The following EYS variants were observed in gnomAD, a reference collection of about 807,000 sequenced individuals.
EYS encodes the protein EGF-like photoreceptor maintenance factor, also known as protein eyes shut homolog.
Under a neutral mutation model 282.1 loss-of-function variants are expected in EYS, and 250 were observed. The ratio of observed to expected loss-of-function variants is 0.89; its 90% CI spans 0.80 to 0.98. EYS has a LOEUF of 0.98. Among genes scored for constraint, EYS ranks in the 50% least tolerant of loss-of-function variants. The pLI, the probability that EYS is intolerant of heterozygous loss-of-function variation, is 0.00. For synonymous variants in EYS, 1,355 were observed against 1,282.9 expected (o/e 1.06, Z -1.20); for missense variants, 4,016 against 3,709.0 (o/e 1.08, Z -2.15).
At chr6:65,023,611 G>C (rs1417283783) in intron 13 of EYS, among the ~76,000 whole-genome samples, 5 of 152,162 alleles carry the variant, frequency 3.3e-5, no homozygotes, top group African/African-American at 1.2e-4. Context: ...AAAAGGACTA[G>C]AATTTTTTAA....
chr6:64,245,433 G>A (rs1435755947), intron 30 of EYS, among the ~76,000 whole-genome samples: 4 of 149,170 alleles, frequency 2.7e-5, no homozygotes, highest in Non-Finnish European at 4.4e-5. Flanking sequence ...TCTTACCTAA[G>A]CCTCCCAAAG....
intron 9 of EYS, among the ~76,000 whole-genome samples, chr6:65,351,885 T>G (rs955804403): frequency 6.6e-6 from 1 of 151,796 alleles, no homozygotes; most frequent in Non-Finnish European, 1.5e-5. Flanking sequence ...GATTCTAATA[T>G]GTGGTCAGGG....
At chr6:65,453,105 A>AT (rs1439915514) in intron 5 of EYS, among the ~76,000 whole-genome samples, 2 of 151,986 alleles carry the variant, frequency 1.3e-5, no homozygotes, top group Non-Finnish European at 2.9e-5. Flanking sequence ...AAAAGAACAA[A>AT]TTTTCACAGA....
At chr6:64,007,794 AT>A (rs781107565) in intron 33 of EYS, among the ~76,000 whole-genome samples, 10 of 151,928 alleles carry the variant, frequency 6.6e-5, no homozygotes, top group Admixed American at 2.0e-4. Context: ...TGATTGTATG[AT>A]TTTCATCATT....
intron 13 of EYS, among the ~76,000 whole-genome samples, chr6:65,006,788 A>G (rs996608156): frequency 1.3e-5 from 2 of 152,222 alleles, no homozygotes; most frequent in Non-Finnish European, 2.9e-5. Context: ...TTGTGGAAGC[A>G]GAGTTAGAAA....
intron 29 of EYS, among the ~76,000 whole-genome samples, chr6:64,374,417 G>A (rs368697881): frequency 7.6e-4 from 116 of 152,098 alleles, no homozygotes; most frequent in South Asian, 2.5e-3. Context: ...TGGTGGGTGT[G>A]GGGTGGGTGC....
chr6:64,633,804 AGC>A lies in EYS; in HGVS notation c.3444-7561_3444-7560del, dbSNP rs540928079. Among the ~76,000 whole-genome samples, 24 of 152,246 alleles carry A rather than the reference AGC, an allele frequency of 1.6e-4. No individual in the cohort carries two copies. In the East Asian group the frequency reaches 4.6e-3, roughly 29 times the overall value. ...GAAAAGAACTGGAGCCTTGACCAAT[AGC>A]CACATAAGTAAATATAGAAGGGGAT... On this transcript the variant is annotated intron_variant, in intron 22 of 42. Transcript: ENST00000503581.
chr6:65,583,728 T>C (rs1050929819), intron 2 of EYS, among the ~76,000 whole-genome samples: 16 of 152,202 alleles, frequency 1.1e-4, no homozygotes, highest in African/African-American at 3.8e-4. Context: ...TTGATGCAAT[T>C]GGACCTTCCT....
intron 1 of EYS, among the ~76,000 whole-genome samples, chr6:65,696,796 A>G (rs1769472705): frequency 6.6e-6 from 1 of 152,038 alleles, no homozygotes; most frequent in Non-Finnish European, 1.5e-5. Context: ...AATGTATTTT[A>G]TGCACTGCTT....
At chr6:65,401,612 G>C (rs183839569) in intron 7 of EYS, among the ~76,000 whole-genome samples, 1 of 151,810 alleles carries the variant, frequency 6.6e-6, no homozygotes, top group African/African-American at 2.4e-5. Flanking sequence ...TTTATTGTCA[G>C]TTCTTTTGAA....
intron 30 of EYS, among the ~76,000 whole-genome samples, chr6:64,298,139 A>C (rs985363361): frequency 6.6e-6 from 1 of 152,218 alleles, no homozygotes. Context: ...ATGTTGAATG[A>C]AGAAATAAGA....
intron 2 of EYS, among the ~76,000 whole-genome samples, chr6:65,520,833 A>T (rs2127298502): frequency 6.6e-6 from 1 of 152,102 alleles, no homozygotes; most frequent in East Asian, 1.9e-4. Flanking sequence ...TAAATCATGG[A>T]TTTTACAGAG....
At chr6:64,939,359 T>A (rs1157482893) in intron 15 of EYS, among the ~76,000 whole-genome samples, 1 of 151,844 alleles carries the variant, frequency 6.6e-6, no homozygotes, top group African/African-American at 2.4e-5. Context: ...TTTGTCTTAA[T>A]TTAGGTAACA....
chr6:65,181,885 A>G (rs1351206278), intron 12 of EYS, among the ~76,000 whole-genome samples: 1 of 152,166 alleles, frequency 6.6e-6, no homozygotes, highest in Admixed American at 6.6e-5. Flanking sequence ...GCCATAAAAA[A>G]TGATGAGTTC....
intron 1 of EYS, among the ~76,000 whole-genome samples, chr6:65,691,426 G>T (rs1417726437): frequency 6.7e-6 from 1 of 150,232 alleles, no homozygotes; most frequent in Non-Finnish European, 1.5e-5. Context: ...TTTTGATAGG[G>T]TTGTTTGTTT....
At chr6:64,063,681 G>T (rs72876819) in intron 33 of EYS, among the ~76,000 whole-genome samples, 2 of 152,072 alleles carry the variant, frequency 1.3e-5, no homozygotes, top group Non-Finnish European at 2.9e-5. Context: ...TGTTCTTTGC[G>T]GTCTCTGAAT....
At chr6:64,618,069 G>A (rs554590736) in intron 23 of EYS, among the ~76,000 whole-genome samples, 5 of 152,130 alleles carry the variant, frequency 3.3e-5, no homozygotes, top group South Asian at 4.1e-4. Context: ...TTGTGTCTAC[G>A]TACATTTGGC....
chr6:65,032,436 T>G (rs1385785936), intron 13 of EYS, among the ~76,000 whole-genome samples: 1 of 152,218 alleles, frequency 6.6e-6, no homozygotes, highest in Non-Finnish European at 1.5e-5. Context: ...CCCTCATTGC[T>G]TATGCTATCT....
chr6:65,218,598 C>T (rs977174321), intron 12 of EYS, among the ~76,000 whole-genome samples: 1 of 152,054 alleles, frequency 6.6e-6, no homozygotes, highest in African/African-American at 2.4e-5. Flanking sequence ...ACTCTGGGTA[C>T]CTGTTGATCC....
Sources: gnomAD v4.1 joint callset for allele counts (sites outside exome capture counted in the v4.1 genomes callset) on GRCh38, gnomAD v4.1.1 for gene constraint, MANE v1.5 for transcripts, NCBI Gene and HGNC (gene_info 2026-07-23, HGNC 2026-07-21) for gene names.